The following OR1L6 variants were observed in gnomAD, a reference collection of about 807,000 sequenced individuals.
The protein encoded by OR1L6 is olfactory receptor family 1 subfamily L member 6, also known as olfactory receptor 1L6.
Under a neutral mutation model 3.0 loss-of-function variants are expected in OR1L6, and 2 were observed. The observed-to-expected ratio is 0.68, with a 90% CI of 0.28 to 2.13. OR1L6 has a LOEUF of 2.13. OR1L6 is among the 30% of genes most tolerant of loss of function. OR1L6 has a pLI of 0.14. For missense variants in OR1L6, 304 were observed against 378.4 expected (o/e 0.80, Z 1.63); for synonymous variants, 121 against 148.4 (o/e 0.82, Z 1.34).
intron 1 of OR1L6, among the ~76,000 whole-genome samples, chr9:122,748,026 C>A (rs1299759079): frequency 6.6e-6 from 1 of 152,030 alleles, no homozygotes; most frequent in Non-Finnish European, 1.5e-5. Context: ...ATTTTATAAT[C>A]AGAAAAGTTA....
intron 1 of OR1L6, among the ~76,000 whole-genome samples, chr9:122,749,301 C>G (rs1213102251): frequency 6.6e-6 from 1 of 151,856 alleles, no homozygotes; most frequent in East Asian, 1.9e-4. Context: ...AATGATATTT[C>G]TACGTTGATA....
At chr9:122,743,691 T>A (rs2118906295) in intron 1 of OR1L6, among the ~76,000 whole-genome samples, 1 of 152,342 alleles carries the variant, frequency 6.6e-6, no homozygotes, top group South Asian at 2.1e-4. Context: ...AGGGCTGTTG[T>A]TTATTCAAGA....
At position 122,750,013 on chromosome 9, in the gene OR1L6, C is replaced by A; in HGVS notation, c.166C>A (p.Leu56Ile). The change falls in exon 2 of 2, where the codon CTC becomes ATC. Residue 56 changes from leucine to isoleucine, a missense_variant. Coordinates refer to ENST00000304720, the MANE Select transcript of OR1L6 (RefSeq NM_001004453.3). Reference protein sequence around the residue: ...IIPAIYSDPRLHTPMYFFLSN... With the variant: ...IIPAIYSDPRIHTPMYFFLSN... ...CCCGGCCATCTACTCTGACCCCAGG[C>A]TCCACACCCCTATGTACTTTTTTCT... is the stretch of plus-strand genomic sequence containing the variant. The A allele has an allele frequency of 6.2e-7, 1 of 1,614,148 alleles. No individual in the cohort carries two copies. The highest frequency in any genetic ancestry group is 8.5e-7 in the Non-Finnish European group (1 of 1,180,020).
At position 122,750,125 on chromosome 9, in the gene OR1L6, T is replaced by C. The variant is rs777730318; in HGVS notation, c.278T>C (p.Ile93Thr). 9 of 1,613,608 alleles carry C rather than the reference T, an allele frequency of 5.6e-6. No individual in the cohort carries two copies. The highest frequency in any genetic ancestry group is 7.6e-6 in the Non-Finnish European group (9 of 1,179,742). Residue 93 changes from isoleucine (I) to threonine (T), a missense_variant, in exon 2 of 2, where the codon ATC becomes ACC. Physicochemically the swap from Ile to Thr is moderately conservative, Grantham distance 89. This residue lies in a region of OR1L6 where 192 missense variants were observed against 242.7 expected (regional missense o/e 0.79). Coordinates refer to ENST00000304720, the MANE Select transcript of OR1L6 (RefSeq NM_001004453.3). ...AATTTTCTATCAGAGACAAAGGTTA[T>C]CTCCTATGTGGGCTGCCTGGCCCAG... The part of the protein sequence containing the change: ...LVNFLSETKV[I>T]SYVGCLAQMY...
intron 1 of OR1L6, among the ~76,000 whole-genome samples, chr9:122,742,691 G>A (rs1175133793): frequency 6.6e-6 from 1 of 152,232 alleles, no homozygotes; most frequent in Non-Finnish European, 1.5e-5. Flanking sequence ...CAGAGGCTGA[G>A]AGCACACACT....
chr9:122,743,257 AAGAC>A (rs1828806508), intron 1 of OR1L6, among the ~76,000 whole-genome samples: 1 of 152,182 alleles, frequency 6.6e-6, no homozygotes, highest in African/African-American at 2.4e-5. Context: ...CAGGAGAAGA[AAGAC>A]AGAAACAAAA....
At chr9:122,749,632 C>T (rs1828869330) in intron 1 of OR1L6, 11 of 624,696 alleles carry the variant, frequency 1.8e-5, no homozygotes, top group East Asian at 5.4e-5. Context: ...GGCATGAACC[C>T]GAGAGGCGGA....
At chr9:122,745,710 C>A (rs1318589485) in intron 1 of OR1L6, among the ~76,000 whole-genome samples, 27 of 151,804 alleles carry the variant, frequency 1.8e-4, no homozygotes, top group Admixed American at 1.8e-3. Flanking sequence ...CCGCACCCAG[C>A]CAAACACACC....
At chr9:122,744,706 G>A (rs901949189) in intron 1 of OR1L6, among the ~76,000 whole-genome samples, 1 of 152,128 alleles carries the variant, frequency 6.6e-6, no homozygotes. Context: ...CTTATTGTAT[G>A]AGCAGTTATG....
At chr9:122,745,449 G>C (rs892920928) in intron 1 of OR1L6, among the ~76,000 whole-genome samples, 11 of 108,682 alleles carry the variant, frequency 1.0e-4, no homozygotes, top group Non-Finnish European at 1.7e-4. Flanking sequence ...GTCTCGGTCT[G>C]TCGCCCAGAC....
intron 1 of OR1L6, among the ~76,000 whole-genome samples, chr9:122,749,563 C>T (rs1828868624): frequency 6.6e-6 from 1 of 152,064 alleles, no homozygotes; most frequent in Non-Finnish European, 1.5e-5. Context: ...AAAAAATTAG[C>T]CGGGCGTGGT....
chr9:122,745,284 A>T (rs1828825002), intron 1 of OR1L6, among the ~76,000 whole-genome samples: 1 of 152,118 alleles, frequency 6.6e-6, no homozygotes, highest in South Asian at 2.1e-4. Flanking sequence ...ATTTAACCTC[A>T]TTCCTATATG....
Position 122,750,201 on chromosome 9 carries a change from T to C in OR1L6, c.354T>C (p.Ser118=). ...ACACTGACAGCTACCTGCTGGCCTC[T>C]ATGGCCATCGACCGGCTGGTGGCCA... ...FGNTDSYLLA[S]MAIDRLVAIC... Residue 118 remains serine (S), a synonymous_variant, in exon 2 of 2, where the codon TCT becomes TCC. Transcript: ENST00000304720. 4 of 1,614,062 alleles carry C rather than the reference T, an allele frequency of 2.5e-6. No homozygotes were observed. The highest frequency in any genetic ancestry group is 3.4e-6 in the Non-Finnish European group (4 of 1,179,968).
rs761059522 is a variant in OR1L6 at position 122,750,327 on chromosome 9, C to T, written c.480C>T (p.Arg160=). 1.1e-5 allele frequency: 17 copies of T among 1,613,890 alleles called. No homozygotes were observed. Among genetic ancestry groups the T allele is most frequent in the Middle Eastern group, 1.6e-4 (1 of 6,062 alleles). ...CSISHLHSLF[R]VLLMSRLSFC... The stretch of plus-strand genomic sequence containing the variant: ...TCTCCCACCTACATTCCCTGTTCCG[C>T]GTGCTACTTATGTCTCGCTTGTCTT... Residue 160 remains arginine (R), a synonymous_variant, in exon 2 of 2, where the codon CGC becomes CGT. Coordinates refer to ENST00000304720, the MANE Select transcript of OR1L6 (RefSeq NM_001004453.3).
chr9:122,749,973 G>A lies in OR1L6; in HGVS notation c.126G>A (p.Gly42=), dbSNP rs1441589156. 1 of 1,614,108 alleles carries A rather than the reference G, an allele frequency of 6.2e-7. No individual in the cohort carries two copies. Residue 42 remains glycine (G), a synonymous_variant, in exon 2 of 2, where the codon GGG becomes GGA. Coordinates refer to ENST00000304720, the MANE Select transcript of OR1L6 (RefSeq NM_001004453.3). ...TCATGTACCTGCTCGCTGCGGTGGG[G>A]AATGTGCTCATCATCCCGGCCATCT... is the stretch of plus-strand genomic sequence containing the variant. ...FLIMYLLAAV[G]NVLIIPAIYS... is the part of the protein sequence containing the mutation.
chr9:122,744,343 A>G (rs530194993), intron 1 of OR1L6, among the ~76,000 whole-genome samples: 3 of 150,806 alleles, frequency 2.0e-5, no homozygotes, highest in Admixed American at 6.6e-5. Flanking sequence ...CTGTCAGTGC[A>G]TACTCCCTGG....
intron 1 of OR1L6, among the ~76,000 whole-genome samples, chr9:122,746,330 G>C (rs770708542): frequency 6.6e-6 from 1 of 152,148 alleles, no homozygotes; most frequent in Non-Finnish European, 1.5e-5. Context: ...AAAATAAAAT[G>C]ATAAAAGCTT....
Position 122,750,618 on chromosome 9 carries a change from T to C in OR1L6, c.771T>C (p.Ile257=). 1.2e-6 allele frequency: 2 copies of C among 1,614,208 alleles called. No individual in the cohort carries two copies. The highest frequency in any genetic ancestry group is 1.1e-5 in the South Asian group (1 of 91,080). ...TAVALFYGSI[I]YVYFRPLSMY... ...TAGCCCTTTTCTATGGGAGTATTAT[T>C]TATGTCTATTTTAGGCCCCTGTCCA... Residue 257 remains isoleucine (I), a synonymous_variant, in exon 2 of 2, where the codon ATT becomes ATC. Transcript: ENST00000304720.
intron 1 of OR1L6, among the ~76,000 whole-genome samples, chr9:122,745,072 T>G (rs989683606): frequency 6.6e-6 from 1 of 152,210 alleles, no homozygotes; most frequent in African/African-American, 2.4e-5. Flanking sequence ...ATAAGTACAT[T>G]GCCTAAGAGT....
Sources: allele counts gnomAD v4.1 joint callset (sites outside exome capture counted in the v4.1 genomes callset), GRCh38; gene constraint gnomAD v4.1.1; regional missense constraint gnomAD v4.1.1; transcripts MANE v1.5; gene names NCBI Gene and HGNC (gene_info 2026-07-23, HGNC 2026-07-21).